The following PTPRD variants were observed in gnomAD, a reference collection of about 807,000 sequenced individuals.
PTPRD encodes the protein receptor-type tyrosine-protein phosphatase delta.
PTPRD carries 34 observed loss-of-function variants against 214.5 expected under a neutral mutation model. The observed-to-expected ratio is 0.16, with a 90% CI of 0.12 to 0.21. The LOEUF (loss-of-function observed/expected upper bound fraction) is 0.21. Ranked by LOEUF, PTPRD falls within the 10% of genes least tolerant of loss-of-function variation. The pLI is 1.00. For missense variants in PTPRD, 2,545 were observed against 2,398.7 expected (o/e 1.06, Z -1.27); for synonymous variants, 1,128 against 845.7 (o/e 1.33, Z -5.79).
At chr9:9,163,016 C>T (rs10977540) in intron 10 of PTPRD, among the ~76,000 whole-genome samples, 44,863 of 151,918 alleles carry the variant, frequency 0.3, 7,623 homozygotes, top group Non-Finnish European at 0.39. Context: ...TGCCTCCTTC[C>T]GCACCAGCTT....
intron 3 of PTPRD, among the ~76,000 whole-genome samples, chr9:10,060,833 TTCCTTC>T (rs1567404725): frequency 4.7e-5 from 6 of 128,468 alleles, no homozygotes; most frequent in African/African-American, 2.8e-4. Context: ...TCTTTCTTCC[TTCCTTC>T]CTTCCTTTCC....
In PTPRD at chr9:8,896,924, A is replaced by G. The variant is rs193138636; in HGVS notation, c.-104+121773T>C. ...TACCTACAGTTGCTTTGAGATCAAG[A>G]AAGAGAACTGTAGATTAGTTCTAAT... On this transcript the variant is annotated intron_variant, in intron 11 of 45. Transcript: ENST00000381196. Among the ~76,000 whole-genome samples the G allele has an allele frequency of 5.9e-3, 894 of 152,334 alleles. 2 individuals carry two copies. The highest frequency in any genetic ancestry group is 9.0e-3 in the Non-Finnish European group (613 of 68,034).
At chr9:8,799,489 G>GA (rs1185067256) in intron 11 of PTPRD, among the ~76,000 whole-genome samples, 1 of 152,176 alleles carries the variant, frequency 6.6e-6, no homozygotes, top group African/African-American at 2.4e-5. Context: ...AAAAGAAAAG[G>GA]AATGCATTTG....
intron 7 of PTPRD, among the ~76,000 whole-genome samples, chr9:9,721,947 T>C (rs1357696282): frequency 1.3e-5 from 2 of 152,082 alleles, no homozygotes; most frequent in Non-Finnish European, 2.9e-5. Context: ...TTTGTACATA[T>C]GATTTTTTAA....
chr9:10,033,377 C>T (rs1457481500), intron 4 of PTPRD, among the ~76,000 whole-genome samples: 6 of 151,744 alleles, frequency 4.0e-5, no homozygotes, highest in Non-Finnish European at 2.9e-5. Context: ...CGTGGATCCT[C>T]ACTCAGCTAT....
chr9:9,751,884 A>C (rs2098523734), intron 6 of PTPRD, among the ~76,000 whole-genome samples: 1 of 152,146 alleles, frequency 6.6e-6, no homozygotes, highest in African/African-American at 2.4e-5. Flanking sequence ...GGTTTAAATA[A>C]AGTGATATAT....
chr9:8,816,812 G>C (rs527645324), intron 11 of PTPRD, among the ~76,000 whole-genome samples: 4 of 152,268 alleles, frequency 2.6e-5, no homozygotes, highest in African/African-American at 7.2e-5. Context: ...GAAGAAGAAA[G>C]GGAATTTTAC....
chr9:9,973,654 CAGAT>C (rs2095239882), intron 4 of PTPRD, among the ~76,000 whole-genome samples: 1 of 152,102 alleles, frequency 6.6e-6, no homozygotes, highest in African/African-American at 2.4e-5. Flanking sequence ...GGGGCACTCA[CAGAT>C]AGACGAGTCT....
At chr9:8,580,714 T>C (rs1368734809) in intron 14 of PTPRD, among the ~76,000 whole-genome samples, 1 of 152,152 alleles carries the variant, frequency 6.6e-6, no homozygotes, top group Admixed American at 6.5e-5. Flanking sequence ...CATTTGTAAG[T>C]ACAACAAAAT....
intron 11 of PTPRD, among the ~76,000 whole-genome samples, chr9:8,800,264 T>C (rs1024666917): frequency 6.6e-6 from 1 of 152,236 alleles, no homozygotes; most frequent in African/African-American, 2.4e-5. Context: ...CACGTGATTC[T>C]ATTTGACATC....
intron 7 of PTPRD, among the ~76,000 whole-genome samples, chr9:9,619,388 T>C (rs922203500): frequency 1.7e-4 from 26 of 151,796 alleles, no homozygotes; most frequent in African/African-American, 6.0e-4. Flanking sequence ...AGAAGGTGGC[T>C]AAACTTTGAC....
At chr9:8,864,556 A>C (rs2098162729) in intron 11 of PTPRD, among the ~76,000 whole-genome samples, 1 of 152,194 alleles carries the variant, frequency 6.6e-6, no homozygotes, top group Non-Finnish European at 1.5e-5. Context: ...CAGAACCATG[A>C]AATTATTTTT....
At chr9:9,820,522 A>G (rs1764345019) in intron 5 of PTPRD, among the ~76,000 whole-genome samples, 1 of 151,986 alleles carries the variant, frequency 6.6e-6, no homozygotes. Flanking sequence ...TTGTTGTTGC[A>G]ATTGCTTTTG....
intron 10 of PTPRD, among the ~76,000 whole-genome samples, chr9:9,135,395 C>T (rs567215261): frequency 1.3e-5 from 2 of 152,262 alleles, no homozygotes; most frequent in Admixed American, 1.3e-4. Context: ...AATAAAACAG[C>T]CCAAATCGAT....
intron 7 of PTPRD, among the ~76,000 whole-genome samples, chr9:9,596,230 A>G (rs980415105): frequency 3.1e-4 from 47 of 152,022 alleles, no homozygotes; most frequent in Non-Finnish European, 2.5e-4. Context: ...TATTAAAGAC[A>G]TCTTTAATGA....
At chr9:8,973,090 T>C (rs1287881022) in intron 11 of PTPRD, among the ~76,000 whole-genome samples, 1 of 152,014 alleles carries the variant, frequency 6.6e-6, no homozygotes, top group Non-Finnish European at 1.5e-5. Context: ...GAAATTGCCT[T>C]TTAAAAATAT....
chr9:9,693,807 G>T (rs1564585564), intron 7 of PTPRD, among the ~76,000 whole-genome samples: 1 of 152,052 alleles, frequency 6.6e-6, no homozygotes, highest in African/African-American at 2.4e-5. Context: ...TGTCTCCTCT[G>T]ACTGTATTTT....
intron 11 of PTPRD, among the ~76,000 whole-genome samples, chr9:8,863,283 C>T (rs867278042): frequency 1.2e-4 from 18 of 152,202 alleles, no homozygotes; most frequent in South Asian, 4.1e-4. Context: ...TCACAGCATG[C>T]GACTGTGACA....
intron 5 of PTPRD, among the ~76,000 whole-genome samples, chr9:9,932,795 A>G (rs1004647511): frequency 5.8e-5 from 7 of 121,528 alleles, no homozygotes; most frequent in Non-Finnish European, 1.0e-4. Context: ...CAAAGTTGAA[A>G]TGAAGGAAAA....
Sources: allele counts gnomAD v4.1 joint callset (sites outside exome capture counted in the v4.1 genomes callset), GRCh38; gene constraint gnomAD v4.1.1; transcripts MANE v1.5; gene names NCBI Gene and HGNC (gene_info 2026-07-23, HGNC 2026-07-21).